The following C12orf42 variants were observed in gnomAD, a reference collection of about 807,000 sequenced individuals.
C12orf42 encodes chromosome 12 open reading frame 42.
C12orf42 carries 25 observed loss-of-function variants against 21.6 expected under a neutral mutation model. The observed-to-expected ratio is 1.16, with a 90% CI of 0.84 to 1.62. The LOEUF is 1.62. Ranked by LOEUF, C12orf42 falls within the 40% of genes most tolerant of loss-of-function variation. C12orf42 has a pLI of 0.00. For synonymous variants in C12orf42, 174 were observed against 175.0 expected (o/e 0.99, Z 0.05); for missense variants, 483 against 459.3 (o/e 1.05, Z -0.47).
chr12:103,274,342 T>G (rs1422775813), intron 5 of C12orf42, among the ~76,000 whole-genome samples: 2 of 152,178 alleles, frequency 1.3e-5, no homozygotes, highest in Non-Finnish European at 2.9e-5. Flanking sequence ...GATGGTTAAC[T>G]GTGGGTACAT....
At chr12:103,060,549 G>A in the C12orf42 span, among the ~76,000 whole-genome samples, 3 of 152,108 alleles carry the variant, frequency 2.0e-5, no homozygotes, top group Admixed American at 6.6e-5. Context: ...CAAAGATGGA[G>A]GCATCATGCT....
chr12:103,135,696 C>G, the C12orf42 span, among the ~76,000 whole-genome samples: 1 of 152,092 alleles, frequency 6.6e-6, no homozygotes, highest in Non-Finnish European at 1.5e-5. Flanking sequence ...GTACATCAAA[C>G]AAATAATAGA....
intron 2 of C12orf42, among the ~76,000 whole-genome samples, chr12:103,427,575 A>T (rs1361853620): frequency 6.6e-6 from 1 of 152,226 alleles, no homozygotes; most frequent in African/African-American, 2.4e-5. Context: ...TCAATGAGAC[A>T]GAAAATTAAC....
chr12:103,097,660 T>C, the C12orf42 span, among the ~76,000 whole-genome samples: 1 of 152,312 alleles, frequency 6.6e-6, no homozygotes, highest in Non-Finnish European at 1.5e-5. Flanking sequence ...CTCAACCAAA[T>C]TAAGCTAATG....
the C12orf42 span, among the ~76,000 whole-genome samples, chr12:103,165,574 A>T: frequency 6.6e-6 from 1 of 152,170 alleles, no homozygotes; most frequent in Non-Finnish European, 1.5e-5. Flanking sequence ...CTAATGGACT[A>T]TCTCCTTCCT....
At chr12:103,166,417 T>G in the C12orf42 span, among the ~76,000 whole-genome samples, 1 of 152,234 alleles carries the variant, frequency 6.6e-6, no homozygotes, top group Non-Finnish European at 1.5e-5. Flanking sequence ...AATAAATAGT[T>G]TGTGTATTTT....
chr12:103,220,886 C>A, the C12orf42 span, among the ~76,000 whole-genome samples: 1 of 152,168 alleles, frequency 6.6e-6, no homozygotes, highest in Non-Finnish European at 1.5e-5. Context: ...AGTGTGTGGT[C>A]TGGGGAAAAG....
At chr12:103,066,267 G>A in the C12orf42 span, among the ~76,000 whole-genome samples, 1,632 of 152,282 alleles carry the variant, frequency 0.011, 12 homozygotes, top group South Asian at 0.019. Flanking sequence ...AGTGGGTTGT[G>A]CACAGCAGCA....
the C12orf42 span, among the ~76,000 whole-genome samples, chr12:103,519,395 G>A: frequency 1.3e-5 from 2 of 152,042 alleles, no homozygotes; most frequent in African/African-American, 4.8e-5. Flanking sequence ...TTAGTACCAT[G>A]TACTAAGCAG....
intron 4 of C12orf42, among the ~76,000 whole-genome samples, chr12:103,285,673 A>G: frequency 6.6e-6 from 1 of 152,262 alleles, no homozygotes; most frequent in East Asian, 1.9e-4. Flanking sequence ...AATTATTTGA[A>G]TAATATTGGA....
intron 4 of C12orf42, among the ~76,000 whole-genome samples, chr12:103,278,727 A>G (rs1337453695): frequency 6.6e-6 from 1 of 152,230 alleles, no homozygotes; most frequent in Non-Finnish European, 1.5e-5. Flanking sequence ...CTGGGGCTCT[A>G]AGTGGGGAAA....
At chr12:103,476,656 A>G (rs557277739) in intron 2 of C12orf42, among the ~76,000 whole-genome samples, 1 of 152,328 alleles carries the variant, frequency 6.6e-6, no homozygotes, top group East Asian at 1.9e-4. Context: ...GGCAGACAAA[A>G]GAGTAAATGT....
intron 4 of C12orf42, among the ~76,000 whole-genome samples, chr12:103,285,391 T>C (rs1431901357): frequency 6.6e-6 from 1 of 152,226 alleles, no homozygotes; most frequent in Non-Finnish European, 1.5e-5. Context: ...GATTTGGAAC[T>C]TGGATTAGGG....
chr12:103,550,725 G>C, the C12orf42 span: 1 of 152,072 alleles, frequency 6.6e-6, no homozygotes, highest in Non-Finnish European at 1.5e-5. Flanking sequence ...AAAAAAGTTA[G>C]CCTTTTGTAC....
chr12:103,234,507 C>T (rs1354418465), downstream of C12orf42, among the ~76,000 whole-genome samples: 2 of 152,086 alleles, frequency 1.3e-5, no homozygotes, highest in Non-Finnish European at 2.9e-5. Context: ...GGACCCTCAC[C>T]CTGCTAATGC....
downstream of C12orf42, among the ~76,000 whole-genome samples, chr12:103,299,195 AT>A (rs1246453115): frequency 1.3e-5 from 2 of 152,100 alleles, no homozygotes; most frequent in African/African-American, 2.4e-5. Flanking sequence ...AAATATTTGT[AT>A]GTGTATCATT....
chr12:103,233,650 T>C (rs1407084547), downstream of C12orf42, among the ~76,000 whole-genome samples: 1 of 152,220 alleles, frequency 6.6e-6, no homozygotes, highest in Non-Finnish European at 1.5e-5. Flanking sequence ...AAAAAAGTGA[T>C]TGACTTTTAT....
At chr12:103,414,435 A>G (rs1165444159) in intron 2 of C12orf42, among the ~76,000 whole-genome samples, 1 of 152,076 alleles carries the variant, frequency 6.6e-6, no homozygotes, top group Non-Finnish European at 1.5e-5. Flanking sequence ...AAAGAATAAC[A>G]TTGGTAGTTT....
intron 4 of C12orf42, among the ~76,000 whole-genome samples, chr12:103,330,870 C>T (rs1481788395): frequency 6.6e-6 from 1 of 152,172 alleles, no homozygotes. Context: ...TTCTAACACA[C>T]AGCAAATACC....
Sources: gnomAD v4.1 joint callset for allele counts (sites outside exome capture counted in the v4.1 genomes callset) on GRCh38, gnomAD v4.1.1 for gene constraint, MANE v1.5 for transcripts, NCBI Gene and HGNC (gene_info 2026-07-23, HGNC 2026-07-21) for gene names.